The following FOXP1 variants were observed in gnomAD, a reference collection of about 807,000 sequenced individuals.
FOXP1 encodes forkhead box protein P1.
Under a neutral mutation model 98.2 loss-of-function variants are expected in FOXP1, and 15 were observed. The ratio of observed to expected loss-of-function variants is 0.15; its 90% confidence interval spans 0.10 to 0.24. FOXP1 has a LOEUF of 0.24. FOXP1 is among the 10% of genes least tolerant of loss of function. FOXP1 has a pLI of 1.00. For missense variants in FOXP1, 633 were observed against 848.5 expected (o/e 0.75, Z 3.15); for synonymous variants, 371 against 314.5 (o/e 1.18, Z -1.90).
chr3:71,046,100 G>C (rs903142823), intron 10 of FOXP1, among the ~76,000 whole-genome samples: 1 of 151,916 alleles, frequency 6.6e-6, no homozygotes, highest in African/African-American at 2.4e-5. Context: ...CCTCCCTCTT[G>C]ACATCCCTTC....
At chr3:71,292,663 A>G (rs900470007) in intron 5 of FOXP1, 4 of 152,166 alleles carry the variant, frequency 2.6e-5, no homozygotes, top group Non-Finnish European at 5.9e-5. Flanking sequence ...AACTGGTCAC[A>G]CTCTCAGATA....
intron 7 of FOXP1, among the ~76,000 whole-genome samples, chr3:71,112,301 A>G (rs1424512952): frequency 6.6e-6 from 1 of 151,762 alleles, no homozygotes; most frequent in African/African-American, 2.4e-5. Flanking sequence ...AACACTTACA[A>G]CTCCTTATCC....
chr3:71,139,513 T>G (rs2059968706), intron 6 of FOXP1, among the ~76,000 whole-genome samples: 1 of 151,776 alleles, frequency 6.6e-6, no homozygotes, highest in Non-Finnish European at 1.5e-5. Flanking sequence ...AAAGAAACGT[T>G]AATTGATCTA....
In FOXP1 at chr3:71,359,179, A is replaced by G. The variant is rs1325525416; in HGVS notation, c.-102T>C. 1.2e-4 allele frequency: 18 copies of G among 152,172 alleles called. No individual in the cohort carries two copies. Among genetic ancestry groups the G allele is most frequent in the Admixed American group, 1.2e-3 (18 of 15,268 alleles). 9.4% of individuals were successfully genotyped at this position (152,172 alleles called of 1,614,324 possible). On this transcript the variant is annotated 5_prime_UTR_variant, in exon 4 of 21. Coordinates refer to ENST00000649528, the MANE Select transcript of FOXP1 (RefSeq NM_001349338.3). ...AAATTTTAACGTGTCTCACAGCCAT[A>G]AAAAGCCTGGGGTCACTGGGAGGGG...
At chr3:71,257,252 C>T (rs1458363124) in intron 5 of FOXP1, among the ~76,000 whole-genome samples, 1 of 152,060 alleles carries the variant, frequency 6.6e-6, no homozygotes, top group Non-Finnish European at 1.5e-5. Flanking sequence ...CTTACTAGTT[C>T]TTTGCAACAC....
chr3:70,976,752 A>G (rs2037642000), intron 17 of FOXP1, among the ~76,000 whole-genome samples, 189 bp downstream of exon 17: 1 of 152,210 alleles, frequency 6.6e-6, no homozygotes, highest in Non-Finnish European at 1.5e-5. Context: ...GTATAATGGG[A>G]GTCTTCCATC....
chr3:71,461,538 C>T (rs1025349608), intron 3 of FOXP1, among the ~76,000 whole-genome samples: 2 of 152,016 alleles, frequency 1.3e-5, no homozygotes, highest in African/African-American at 4.8e-5. Flanking sequence ...CGTGGTGGCT[C>T]GTGCCTGTAA....
intron 1 of FOXP1, 56 bp from the exon 2 acceptor site, chr3:71,581,753 G>A: frequency 1.0e-6 from 1 of 985,836 alleles, no homozygotes. Context: ...GTGCAGGCTG[G>A]GGGGAACTGA....
chr3:71,344,878 G>C (rs2077230620), intron 4 of FOXP1, among the ~76,000 whole-genome samples: 1 of 152,038 alleles, frequency 6.6e-6, no homozygotes, highest in Non-Finnish European at 1.5e-5. Context: ...TCTGACTTCA[G>C]ATTAGGGCAG....
intron 2 of FOXP1, among the ~76,000 whole-genome samples, chr3:71,533,696 G>A (rs2044049875): frequency 6.6e-6 from 1 of 152,170 alleles, no homozygotes; most frequent in South Asian, 2.1e-4. Context: ...GGGGGCAATA[G>A]CAAAGATTGG....
chr3:71,483,922 A>T (rs917117791), intron 3 of FOXP1, among the ~76,000 whole-genome samples: 1 of 152,154 alleles, frequency 6.6e-6, no homozygotes, highest in Non-Finnish European at 1.5e-5. Context: ...CCACCATTAA[A>T]AGCTCATTTT....
chr3:71,490,108 GACTA>G (rs2090956502), intron 3 of FOXP1, among the ~76,000 whole-genome samples: 1 of 152,312 alleles, frequency 6.6e-6, no homozygotes, highest in Admixed American at 6.5e-5. Context: ...ACAATGGAAT[GACTA>G]ACTATCAGAT....
chr3:71,120,046 C>T (rs990562340), intron 6 of FOXP1, among the ~76,000 whole-genome samples: 8 of 152,204 alleles, frequency 5.3e-5, no homozygotes, highest in Non-Finnish European at 1.2e-4. Context: ...ATATTAGATA[C>T]ACAAGAGAAG....
At chr3:71,161,761 G>A (rs1200599414) in intron 6 of FOXP1, among the ~76,000 whole-genome samples, 1 of 152,190 alleles carries the variant, frequency 6.6e-6, no homozygotes, top group Non-Finnish European at 1.5e-5. Flanking sequence ...TGAGTGGGAT[G>A]AACAAAAACA....
intron 2 of FOXP1, among the ~76,000 whole-genome samples, chr3:71,539,743 G>C (rs1310089811): frequency 5.3e-5 from 8 of 152,050 alleles, no homozygotes; most frequent in Non-Finnish European, 1.0e-4. Context: ...AAATACAATA[G>C]CTTGAAATCT....
chr3:71,542,189 C>A, intron 2 of FOXP1: 1 of 384,146 alleles, frequency 2.6e-6, no homozygotes, highest in Non-Finnish European at 5.2e-6. Flanking sequence ...TAATGTTTTT[C>A]ATATGGCACA....
rs567054143 is a variant in FOXP1, at chr3:71,558,679, G to A, written c.-298+22870C>T. ...CCAGCTAATTTTTGTATTTTTAGTA[G>A]AGACGGGGTTTCACTATGTTGGCCA... is the stretch of plus-strand genomic sequence containing the variant. On this transcript the variant is annotated intron_variant, in intron 2 of 20. Coordinates refer to ENST00000649528, the MANE Select transcript of FOXP1 (RefSeq NM_001349338.3). Among the ~76,000 whole-genome samples the A allele has an allele frequency of 3.3e-5, 5 of 151,456 alleles. No individual in the cohort carries two copies. In the South Asian group the frequency reaches 1.0e-3, roughly 32 times the overall value.
chr3:71,218,122 A>C (rs1173469781), intron 5 of FOXP1, among the ~76,000 whole-genome samples: 1 of 152,156 alleles, frequency 6.6e-6, no homozygotes, highest in Non-Finnish European at 1.5e-5. Context: ...ATAGCACTGC[A>C]CCTGGGTGTG....
At chr3:71,482,254 A>G (rs754917461) in intron 3 of FOXP1, among the ~76,000 whole-genome samples, 106 of 152,234 alleles carry the variant, frequency 7.0e-4, no homozygotes, top group Middle Eastern at 3.4e-3. Context: ...TAAGCTTCTC[A>G]CATTTTTATT....
Sources: gnomAD v4.1 joint callset for allele counts (sites outside exome capture counted in the v4.1 genomes callset) on GRCh38, gnomAD v4.1.1 for gene constraint, MANE v1.5 for transcripts, NCBI Gene and HGNC (gene_info 2026-07-23, HGNC 2026-07-21) for gene names.